The following MGST2 variants were observed in gnomAD, a reference collection of about 807,000 sequenced individuals.
MGST2 encodes glutathione peroxidase MGST2.
In MGST2, 9 loss-of-function variants were observed where a neutral mutation model predicts 16.6. The observed-to-expected ratio is 0.54, with a 90% CI of 0.33 to 0.95. MGST2 has a LOEUF of 0.95. Among genes scored for constraint, MGST2 ranks in the 40% least tolerant of loss-of-function variants. The pLI is 0.03. For missense variants in MGST2, 159 were observed against 175.1 expected, an observed-to-expected ratio of 0.91 and a Z score of 0.52; for synonymous variants, 79 against 68.0, an observed-to-expected ratio of 1.16 and a Z score of -0.79.
intron 5 of MGST2, among the ~76,000 whole-genome samples, chr4:139,736,837 C>T (rs146813756): frequency 1.6e-3 from 246 of 152,218 alleles, no homozygotes; most frequent in African/African-American, 5.6e-3. Context: ...AATCCTGTGC[C>T]CTGATTAGAT....
intron 5 of MGST2, among the ~76,000 whole-genome samples, chr4:139,725,532 C>T (rs1308864178): frequency 1.3e-5 from 2 of 152,182 alleles, no homozygotes; most frequent in African/African-American, 4.8e-5. Flanking sequence ...CCTTCTAGAA[C>T]CTCTCTGTGA....
At chr4:139,723,629 C>T (rs549199918) in intron 5 of MGST2, among the ~76,000 whole-genome samples, 21 of 152,210 alleles carry the variant, frequency 1.4e-4, no homozygotes, top group African/African-American at 5.1e-4. Context: ...AAGTTTTTAA[C>T]TGGACCCAAA....
chr4:139,666,008 TC>T lies in MGST2; in HGVS notation c.-10del. 1 of 1,613,900 alleles carries T rather than the reference TC, an allele frequency of 6.2e-7. No homozygotes were observed. The highest frequency in any genetic ancestry group is 8.5e-7 in the Non-Finnish European group (1 of 1,179,964). ...TCTTCCCGTGCGCTCTACAAATAGT[TC>T]CGTGAGAAAGATGGCCGGGAACTCG... On this transcript the variant is annotated 5_prime_UTR_variant, in exon 1 of 5. Coordinates refer to ENST00000265498, the MANE Select transcript of MGST2 (RefSeq NM_002413.5).
At chr4:139,667,086 C>T (rs1393102923) in intron 1 of MGST2, among the ~76,000 whole-genome samples, 2 of 152,062 alleles carry the variant, frequency 1.3e-5, no homozygotes, top group African/African-American at 2.4e-5. Context: ...TTACATTTAA[C>T]TGAGTTTAAT....
chr4:139,728,419 G>C (rs1263702276), intron 5 of MGST2, among the ~76,000 whole-genome samples: 1 of 152,194 alleles, frequency 6.6e-6, no homozygotes. Context: ...AGCACATACA[G>C]CTTCCAAAAC....
At chr4:139,701,237 T>C (rs183043064) in intron 3 of MGST2, among the ~76,000 whole-genome samples, 108 of 152,256 alleles carry the variant, frequency 7.1e-4, no homozygotes, top group Middle Eastern at 3.4e-3. Flanking sequence ...TTTTCATTCT[T>C]TCTCATCCAA....
intron 2 of MGST2, among the ~76,000 whole-genome samples, chr4:139,682,540 A>C (rs769088680): frequency 6.6e-6 from 1 of 152,182 alleles, no homozygotes; most frequent in Non-Finnish European, 1.5e-5. Flanking sequence ...GCTGGGTCAC[A>C]CTGGGCCTTA....
At chr4:139,714,542 ACG>A (rs1197822095) in intron 5 of MGST2, among the ~76,000 whole-genome samples, 2 of 152,206 alleles carry the variant, frequency 1.3e-5, no homozygotes, top group African/African-American at 2.4e-5. Context: ...AAAGCAAAAT[ACG>A]CGTAATAAAA....
At chr4:139,690,280 C>T (rs575695541) in intron 2 of MGST2, among the ~76,000 whole-genome samples, 2 of 152,038 alleles carry the variant, frequency 1.3e-5, no homozygotes, top group South Asian at 4.2e-4. Flanking sequence ...GTGTGAGCCA[C>T]CGCTCCTGGC....
At chr4:139,717,451 G>A (rs1728025316) in intron 5 of MGST2, 1 of 152,262 alleles carries the variant, frequency 6.6e-6, no homozygotes, top group Non-Finnish European at 1.5e-5. Context: ...GGGGAGTTCA[G>A]GGTCACCCTG....
chr4:139,725,811 G>T (rs374629744), intron 5 of MGST2: 1 of 1,613,910 alleles, frequency 6.2e-7, no homozygotes, highest in Middle Eastern at 1.6e-4. Flanking sequence ...AGGTGCTGCC[G>T]GGGTAGATGT....
At position 139,698,740 on chromosome 4, in the gene MGST2, G is replaced by C. The variant is rs142142251; in HGVS notation, c.229+3473G>C. Among the ~76,000 whole-genome samples the C allele has an allele frequency of 7.2e-5, 11 of 152,160 alleles. No homozygotes were observed. The East Asian group carries it at 2.1e-3, about 29-fold the overall frequency. ...AAGTGCAAGGTTTTTCCCCCTGCTG[G>C]TGTAGCTGCAAGTGACAGCTTTACA... is the stretch of plus-strand genomic sequence containing the variant. On this transcript the variant is annotated intron_variant, in intron 3 of 4. Coordinates refer to ENST00000265498, the MANE Select transcript of MGST2 (RefSeq NM_002413.5).
chr4:139,673,343 A>C (rs1478719309), intron 1 of MGST2, among the ~76,000 whole-genome samples: 1 of 152,192 alleles, frequency 6.6e-6, no homozygotes, highest in African/African-American at 2.4e-5. Flanking sequence ...CCAAGCAAGG[A>C]GAACTGGGCA....
chr4:139,704,430 C>T (rs892351438), downstream of MGST2, among the ~76,000 whole-genome samples: 24 of 152,114 alleles, frequency 1.6e-4, no homozygotes, highest in African/African-American at 2.2e-4. Flanking sequence ...GTGTGCTGGC[C>T]GTTCCGAGGA....
chr4:139,708,967 C>G (rs1727628664), downstream of MGST2, among the ~76,000 whole-genome samples: 6 of 133,556 alleles, frequency 4.5e-5, no homozygotes, highest in Admixed American at 4.9e-4. Flanking sequence ...CCACTGCACT[C>G]CAGCCTGGGC....
At chr4:139,716,298 A>T (rs1418840715) in intron 5 of MGST2, among the ~76,000 whole-genome samples, 1 of 152,156 alleles carries the variant, frequency 6.6e-6, no homozygotes, top group African/African-American at 2.4e-5. Context: ...GCCTGGTAGG[A>T]GTGGGGTGGT....
chr4:139,702,843 G>GTTTTTTTTTTT (rs1727325108), intron 3 of MGST2, among the ~76,000 whole-genome samples: 3 of 27,604 alleles, frequency 1.1e-4, no homozygotes, highest in Admixed American at 4.4e-4. Context: ...TTGTGTTACT[G>GTTTTTTTTTTT]GTTTTTTTTT....
intron 2 of MGST2, among the ~76,000 whole-genome samples, chr4:139,693,121 A>C (rs977431301): frequency 4.7e-4 from 72 of 152,226 alleles, no homozygotes; most frequent in African/African-American, 1.6e-3. Context: ...AGTTCATATA[A>C]AATTTCAGTG....
At chr4:139,751,482 A>C in the MGST2 span, among the ~76,000 whole-genome samples, 504 of 152,350 alleles carry the variant, frequency 3.3e-3, no homozygotes, top group African/African-American at 0.011. Context: ...CAAAGTTTTG[A>C]CTGCATTTTG....
Sources: allele counts gnomAD v4.1 joint callset (sites outside exome capture counted in the v4.1 genomes callset), GRCh38; gene constraint gnomAD v4.1.1; transcripts MANE v1.5; gene names NCBI Gene and HGNC (gene_info 2026-07-23, HGNC 2026-07-21).